AGPAT4: variants seen among roughly 807,000 people sequenced by gnomAD.
The protein encoded by AGPAT4 is 1-acyl-sn-glycerol-3-phosphate acyltransferase delta.
Under a neutral mutation model 48.0 loss-of-function variants are expected in AGPAT4, and 15 were observed. That is an observed-to-expected ratio of 0.31 (90% CI 0.21 to 0.48). The LOEUF (loss-of-function observed/expected upper bound fraction) is 0.48, where lower values mean the gene tolerates loss of function less well. Ranked by LOEUF, AGPAT4 falls within the 20% of genes least tolerant of loss-of-function variation. The probability of loss-of-function intolerance (pLI) is 0.99; values close to 1 mark genes in which losing one functional copy is unlikely to be tolerated. For synonymous variants in AGPAT4, 178 were observed against 198.7 expected (o/e 0.90, Z 0.88); for missense variants, 314 against 482.5 (o/e 0.65, Z 3.27).
rs536275497 is a variant in AGPAT4, at chr6:161,269,171, G to T, written c.-90+4767C>A. On this transcript the variant is annotated intron_variant, in intron 1 of 8. Coordinates refer to ENST00000320285, the MANE Select transcript of AGPAT4 (RefSeq NM_020133.3). ...TGGAAATCTATGAGTAATTCACTAT[G>T]AATGGGAACCTTGAGAGATTCTCTC... Among the ~76,000 whole-genome samples, 23 of 152,312 alleles carry T rather than the reference G, an allele frequency of 1.5e-4. 1 individual carries two copies. The highest frequency in any genetic ancestry group is 5.3e-4 in the African/African-American group (22 of 41,578).
intron 1 of AGPAT4, among the ~76,000 whole-genome samples, 162 bp downstream of exon 1, chr6:161,273,770 ACCTTTC>A (rs1783504943): frequency 7.9e-6 from 1 of 126,510 alleles, no homozygotes; most frequent in South Asian, 2.5e-4. Flanking sequence ...CGCCCCCTGC[ACCTTTC>A]CCCCGCCCGC....
At chr6:161,224,065 T>C (rs2115029709) in intron 2 of AGPAT4, among the ~76,000 whole-genome samples, 1 of 152,328 alleles carries the variant, frequency 6.6e-6, no homozygotes, top group Non-Finnish European at 1.5e-5. Context: ...TTCTTTAACT[T>C]GATAAAGAAT....
rs940909448 is a variant in AGPAT4, at chr6:161,234,310, C to A, written c.-89-2008G>T. Among the ~76,000 whole-genome samples, 1 of 152,166 alleles carries A rather than the reference C, an allele frequency of 6.6e-6. No homozygotes were observed. The highest frequency in any genetic ancestry group is 1.5e-5 in the Non-Finnish European group (1 of 68,036). The stretch of plus-strand genomic sequence containing the variant: ...TAGGAGGGAAATGGGAAGAAGCTTT[C>A]GGCCTGATTTCTCTGAAATCATCTT... On this transcript the variant is annotated intron_variant, in intron 1 of 8. Coordinates refer to ENST00000320285, the MANE Select transcript of AGPAT4 (RefSeq NM_020133.3). The surrounding 1 kb of genome is among the most constrained non-coding windows in gnomAD (Gnocchi z 4.4).
chr6:161,199,379 G>C (rs540733186), intron 2 of AGPAT4, among the ~76,000 whole-genome samples: 1 of 152,184 alleles, frequency 6.6e-6, no homozygotes, highest in Admixed American at 6.5e-5. Context: ...CTACTGACTA[G>C]AGCAGAGACC....
chr6:161,176,892 T>C (rs371539379), intron 2 of AGPAT4, among the ~76,000 whole-genome samples: 29 of 152,244 alleles, frequency 1.9e-4, no homozygotes, highest in Non-Finnish European at 3.7e-4. Context: ...ATTTCTCCTT[T>C]ACTTATGAAG....
In AGPAT4 at chr6:161,198,602, G is replaced by A. The variant is rs969236136; in HGVS notation, c.179-32185C>T. Among the ~76,000 whole-genome samples the A allele has an allele frequency of 2.3e-4, 35 of 152,280 alleles. No individual in the cohort carries two copies. Among genetic ancestry groups the A allele is most frequent in the African/African-American group, 8.2e-4 (34 of 41,534 alleles). ...ATTGCTCAGGCTGGGTTACATCCTG[G>A]CCCCACCATCTACTACTTGTGAGAC... On this transcript the variant is annotated intron_variant, in intron 2 of 8. Coordinates refer to ENST00000320285, the MANE Select transcript of AGPAT4 (RefSeq NM_020133.3). This position sits in a 1 kb window ranked among gnomAD's most constrained non-coding sequence, Gnocchi z 4.3.
chr6:161,258,807 T>C (rs1783017829), intron 1 of AGPAT4, among the ~76,000 whole-genome samples: 1 of 151,840 alleles, frequency 6.6e-6, no homozygotes. Context: ...AATTTTTTTT[T>C]TTTTTTGGAG....
rs1407120847 is a variant in AGPAT4 at position 161,204,219 on chromosome 6, G to A, written c.178+27817C>T. Among the ~76,000 whole-genome samples, 1 of 152,102 alleles carries A rather than the reference G, an allele frequency of 6.6e-6. No homozygotes were observed. Among genetic ancestry groups the A allele is most frequent in the East Asian group, 1.9e-4 (1 of 5,184 alleles). ...TCTCATTAGTAAGTGTACATAAAAGGGATTTGTGTGTTTATTAATAATTTT... is the reference window on the plus strand; with the variant it reads ...TCTCATTAGTAAGTGTACATAAAAGAGATTTGTGTGTTTATTAATAATTTT... On this transcript the variant is annotated intron_variant, in intron 2 of 8. Coordinates refer to ENST00000320285, the MANE Select transcript of AGPAT4 (RefSeq NM_020133.3). This position sits in a 1 kb window ranked among gnomAD's most constrained non-coding sequence, Gnocchi z 4.4.
rs1688649643 is a variant in AGPAT4, at chr6:161,215,841, C to T, written c.178+16195G>A. ...AGGTAGATATACCCATTATTTTATTCGTAATACAGCATTACCTTTCAAACT... is the reference window on the plus strand; with the variant it reads ...AGGTAGATATACCCATTATTTTATTTGTAATACAGCATTACCTTTCAAACT... On this transcript the variant is annotated intron_variant, in intron 2 of 8. Transcript: ENST00000320285. The surrounding 1 kb of genome is among the most constrained non-coding windows in gnomAD (Gnocchi z 4.5). Among the ~76,000 whole-genome samples, 1 of 152,142 alleles carries T rather than the reference C, an allele frequency of 6.6e-6. No homozygotes were observed. The highest frequency in any genetic ancestry group is 2.4e-5 in the African/African-American group (1 of 41,428).
rs1308119532 is a variant in AGPAT4, at chr6:161,238,436, G to A, written c.-89-6134C>T. Among the ~76,000 whole-genome samples, 3 of 152,180 alleles carry A rather than the reference G, an allele frequency of 2.0e-5. No homozygotes were observed. Among genetic ancestry groups the A allele is most frequent in the Non-Finnish European group, 4.4e-5 (3 of 68,036 alleles). ...TCCTGGGAAAGCCAATGAGATGGTC[G>A]TCAACTCAGTTTTCCTTCTCTACCT... On this transcript the variant is annotated intron_variant, in intron 1 of 8. Coordinates refer to ENST00000320285, the MANE Select transcript of AGPAT4 (RefSeq NM_020133.3). This position sits in a 1 kb window ranked among gnomAD's most constrained non-coding sequence, Gnocchi z 5.2.
At chr6:161,241,034 G>T (rs1782469943) in intron 1 of AGPAT4, among the ~76,000 whole-genome samples, 1 of 152,088 alleles carries the variant, frequency 6.6e-6, no homozygotes, top group African/African-American at 2.4e-5. Flanking sequence ...GGAAGCCGAG[G>T]TGGGTGGATC....
rs559784830 is a variant in AGPAT4 at position 161,149,380 on chromosome 6, T to C, written c.665-91A>G. Reference sequence around the variant, plus strand: ...CACACATTGGAAGACAATAATCAAATGGCTAACTGCTTATCTAGAAATGGT... The same window carrying C: ...CACACATTGGAAGACAATAATCAAACGGCTAACTGCTTATCTAGAAATGGT... On this transcript the variant is annotated intron_variant, in intron 5 of 8. Transcript: ENST00000320285. The surrounding 1 kb of genome is among the most constrained non-coding windows in gnomAD (Gnocchi z 6.5). 9.0e-7 allele frequency: 1 copy of C among 1,105,706 alleles called. No individual in the cohort carries two copies. The highest frequency in any genetic ancestry group is 1.3e-6 in the Non-Finnish European group (1 of 797,180). The allele number at this position is 1,105,706 out of a possible 1,614,324, so 68.5% of individuals were successfully genotyped here.
chr6:161,250,006 A>C (rs1266956369), intron 1 of AGPAT4, among the ~76,000 whole-genome samples: 1 of 152,238 alleles, frequency 6.6e-6, no homozygotes, highest in African/African-American at 2.4e-5. Flanking sequence ...GTGGAATATT[A>C]TGCAACTATA....
rs1047907869 is a variant in AGPAT4 at position 161,272,897 on chromosome 6, C to T, written c.-90+1041G>A. Among the ~76,000 whole-genome samples the T allele has an allele frequency of 1.3e-5, 2 of 152,078 alleles. No individual in the cohort carries two copies. The highest frequency in any genetic ancestry group is 3.9e-4 in the East Asian group (2 of 5,190). ...TCCATCTAAGAACAATGCACGAAAA[C>T]GAAAAACGGAGAATCCTGCCCGGCA... On this transcript the variant is annotated intron_variant, in intron 1 of 8. Transcript: ENST00000320285. This position sits in a 1 kb window ranked among gnomAD's most constrained non-coding sequence, Gnocchi z 4.2.
At position 161,246,820 on chromosome 6, in the gene AGPAT4, C is replaced by G. The variant is rs1782663623; in HGVS notation, c.-89-14518G>C. Among the ~76,000 whole-genome samples the G allele has an allele frequency of 6.6e-6, 1 of 152,214 alleles. No individual in the cohort carries two copies. Among genetic ancestry groups the G allele is most frequent in the Non-Finnish European group, 1.5e-5 (1 of 68,038 alleles). On this transcript the variant is annotated intron_variant, in intron 1 of 8. Coordinates refer to ENST00000320285, the MANE Select transcript of AGPAT4 (RefSeq NM_020133.3). The surrounding 1 kb of genome is among the most constrained non-coding windows in gnomAD (Gnocchi z 5.5). ...AACAGATGCTCAATAAATACTGATT[C>G]CATCTGAGTCTCTAGATGACCTAAC... is the stretch of plus-strand genomic sequence containing the variant.
Position 161,242,819 on chromosome 6 carries a change from C to T in AGPAT4, c.-89-10517G>A, listed in dbSNP as rs1782530885. On this transcript the variant is annotated intron_variant, in intron 1 of 8. Transcript: ENST00000320285. The surrounding 1 kb of genome is among the most constrained non-coding windows in gnomAD (Gnocchi z 5.0). ...GGCGCAGCGGCTCACACCTGTCATCCCAGCACTTTGGGAGGGGGTGGGTGG... is the reference window on the plus strand; with the variant it reads ...GGCGCAGCGGCTCACACCTGTCATCTCAGCACTTTGGGAGGGGGTGGGTGG... 6.6e-6 allele frequency among the ~76,000 whole-genome samples: 1 copy of T among 152,154 alleles called. No individual in the cohort carries two copies. Among genetic ancestry groups the T allele is most frequent in the Admixed American group, 6.5e-5 (1 of 15,272 alleles).
rs374728092 is a variant in AGPAT4 at position 161,230,396 on chromosome 6, T to C, written c.178+1640A>G. Among the ~76,000 whole-genome samples, 11 of 152,322 alleles carry C rather than the reference T, an allele frequency of 7.2e-5. No individual in the cohort carries two copies. In the South Asian group the frequency reaches 1.5e-3, roughly 20 times the overall value. ...TATGCAAGTCACATAAATGCAGGTT[T>C]CAATGAAAAAGCGTAATCAGTATTG... On this transcript the variant is annotated intron_variant, in intron 2 of 8. Coordinates refer to ENST00000320285, the MANE Select transcript of AGPAT4 (RefSeq NM_020133.3).
rs189104664 is a variant in AGPAT4, at chr6:161,144,257, C to T, written c.843+2267G>A. 569 of 503,294 alleles carry T rather than the reference C, an allele frequency of 1.1e-3. 3 individuals are homozygous for T. Among genetic ancestry groups the T allele is most frequent in the Non-Finnish European group, 1.5e-3 (367 of 245,518 alleles). 31.2% of individuals were successfully genotyped at this position (503,294 alleles called of 1,614,324 possible). ...ACATACTGCTTAGAGAACTCGGTGT[C>T]GCCCCAGCCCTGCACGGAGAGAGAA... On this transcript the variant is annotated intron_variant, in intron 7 of 8. Coordinates refer to ENST00000320285, the MANE Select transcript of AGPAT4 (RefSeq NM_020133.3). This position sits in a 1 kb window ranked among gnomAD's most constrained non-coding sequence, Gnocchi z 6.6.
rs1428878382 is a variant in AGPAT4, at chr6:161,234,530, G to A, written c.-89-2228C>T. On this transcript the variant is annotated intron_variant, in intron 1 of 8. Coordinates refer to ENST00000320285, the MANE Select transcript of AGPAT4 (RefSeq NM_020133.3). This position sits in a 1 kb window ranked among gnomAD's most constrained non-coding sequence, Gnocchi z 4.4. ...CCACTGAGGAATAGGCGTTAAGCTG[G>A]CAGCCCCCGCTCAGTGCACTTGACT... Among the ~76,000 whole-genome samples the A allele has an allele frequency of 2.6e-5, 4 of 152,172 alleles. No individual in the cohort carries two copies. Among genetic ancestry groups the A allele is most frequent in the Non-Finnish European group, 5.9e-5 (4 of 68,040 alleles).
Sources: allele counts gnomAD v4.1 joint callset (sites outside exome capture counted in the v4.1 genomes callset), GRCh38; gene constraint gnomAD v4.1.1; non-coding constraint Gnocchi (gnomAD v3.1); transcripts MANE v1.5; gene names NCBI Gene and HGNC (gene_info 2026-07-23, HGNC 2026-07-21).